The following TENM4 variants were observed in gnomAD, a reference collection of about 807,000 sequenced individuals.
TENM4 encodes the protein teneurin-4.
Under a neutral mutation model 243.3 loss-of-function variants are expected in TENM4, and 82 were observed. The ratio of observed to expected loss-of-function variants is 0.34; its 90% confidence interval spans 0.28 to 0.40. The LOEUF is 0.40. Ranked by LOEUF, TENM4 falls within the 10% of genes least tolerant of loss-of-function variation. TENM4 has a pLI of 1.00. For synonymous variants in TENM4, 1,412 were observed against 1,456.3 expected (o/e 0.97, Z 0.69); for missense variants, 3,138 against 3,673.3 (o/e 0.85, Z 3.77).
At chr11:78,915,877 C>A (rs189084518) in intron 6 of TENM4, among the ~76,000 whole-genome samples, 1 of 152,146 alleles carries the variant, frequency 6.6e-6, no homozygotes, top group Non-Finnish European at 1.5e-5. Flanking sequence ...TTTGAAGAAA[C>A]GACTTTCTCT....
At chr11:79,055,226 A>G (rs980107541) in intron 6 of TENM4, among the ~76,000 whole-genome samples, 1 of 150,784 alleles carries the variant, frequency 6.6e-6, no homozygotes, top group Non-Finnish European at 1.5e-5. Flanking sequence ...TATTCTATCT[A>G]TTATATTATT....
intron 6 of TENM4, among the ~76,000 whole-genome samples, chr11:78,921,152 T>C (rs1169863257): frequency 6.6e-6 from 1 of 152,228 alleles, no homozygotes; most frequent in Non-Finnish European, 1.5e-5. Context: ...CCATTGACAC[T>C]GTATGTTACA....
intron 3 of TENM4, among the ~76,000 whole-genome samples, chr11:79,164,297 T>C (rs1268803420): frequency 4.0e-5 from 5 of 126,272 alleles, no homozygotes; most frequent in Non-Finnish European, 7.7e-5. Context: ...GATATACTAG[T>C]ATATATAGTA....
intron 6 of TENM4, among the ~76,000 whole-genome samples, chr11:79,041,624 C>A (rs1859534636): frequency 6.6e-6 from 1 of 152,116 alleles, no homozygotes; most frequent in South Asian, 2.1e-4. Flanking sequence ...TTACAACATC[C>A]AAAGAGTGGC....
intron 12 of TENM4, among the ~76,000 whole-genome samples, chr11:78,824,337 C>T (rs565707006): frequency 3.9e-5 from 6 of 152,184 alleles, no homozygotes; most frequent in African/African-American, 1.4e-4. Flanking sequence ...GGAGCAAGAG[C>T]ACAAAAGCGA....
intron 4 of TENM4, among the ~76,000 whole-genome samples, chr11:79,133,686 G>T (rs1363310933): frequency 6.6e-6 from 1 of 152,022 alleles, no homozygotes. Context: ...AGGGATGCAG[G>T]GATGGTTTAA....
At chr11:78,934,868 A>AT (rs5792827) in intron 6 of TENM4, among the ~76,000 whole-genome samples, 20,522 of 151,404 alleles carry the variant, frequency 0.14, 3,029 homozygotes, top group African/African-American at 0.37. Flanking sequence ...AGTTTTTTTT[A>AT]TTTTTTATTT....
intron 1 of TENM4, among the ~76,000 whole-genome samples, chr11:79,381,330 T>C (rs1434521694): frequency 8.6e-6 from 1 of 116,786 alleles, no homozygotes. Context: ...TCAAATGGCC[T>C]GGAAAAAAAA....
chr11:78,845,904 G>A (rs1565403894), intron 12 of TENM4, among the ~76,000 whole-genome samples: 1 of 152,180 alleles, frequency 6.6e-6, no homozygotes, highest in Non-Finnish European at 1.5e-5. Context: ...CCTTCAACAG[G>A]AGTGAGTACC....
chr11:78,944,391 G>A (rs531833614), intron 6 of TENM4, among the ~76,000 whole-genome samples: 1 of 152,268 alleles, frequency 6.6e-6, no homozygotes, highest in East Asian at 1.9e-4. Flanking sequence ...GGGAACCTAG[G>A]CTCTGAAAAA....
intron 1 of TENM4, among the ~76,000 whole-genome samples, chr11:79,310,836 A>G (rs560124461): frequency 3.0e-4 from 45 of 152,326 alleles, no homozygotes; most frequent in Non-Finnish European, 4.7e-4. Flanking sequence ...GCTTTCTAGG[A>G]AAAGAAATAA....
At chr11:79,283,327 T>C (rs1468733726) in intron 2 of TENM4, among the ~76,000 whole-genome samples, 1 of 151,354 alleles carries the variant, frequency 6.6e-6, no homozygotes, top group Non-Finnish European at 1.5e-5. Flanking sequence ...TAAGATAACA[T>C]TAAATTGAAT....
rs1370326611 is a variant in TENM4, at chr11:78,661,457, T to C, written c.7543A>G (p.Asn2515Asp). 4 of 1,608,866 alleles carry C rather than the reference T, an allele frequency of 2.5e-6. No individual in the cohort carries two copies. The Admixed American group carries it at 6.7e-5, about 27-fold the overall frequency. The change falls in exon 33 of 34, where the codon AAC becomes GAC. Residue 2515 changes from asparagine to aspartate, a missense_variant. Asn to Asp is a conservative substitution (Grantham distance 23). Coordinates refer to ENST00000278550, the MANE Select transcript of TENM4 (RefSeq NM_001098816.3). ...HTQMKTQEWDNSKSILGVQCE... is the reference protein window; with the variant it reads ...HTQMKTQEWDDSKSILGVQCE... Reference sequence around the variant, plus strand: ...CCTTGTGCAGGAATTACCTTGCTGTTGTCCCACTCCTGCGTTTTCATCTGT... The same window carrying C: ...CCTTGTGCAGGAATTACCTTGCTGTCGTCCCACTCCTGCGTTTTCATCTGT...
Position 78,698,423 on chromosome 11 carries a change from C to A in TENM4, c.5087+3103G>T, listed in dbSNP as rs113930750. On this transcript the variant is annotated intron_variant, in intron 28 of 33. Transcript: ENST00000278550. ...CGAACCAAACCAACCAACCAACCAACCAAACAAACAAACAAATAAACAAAC... is the reference window on the plus strand; with the variant it reads ...CGAACCAAACCAACCAACCAACCAAACAAACAAACAAACAAATAAACAAAC... Among the ~76,000 whole-genome samples the A allele has an allele frequency of 3.9e-3, 592 of 152,116 alleles. 5 individuals carry two copies. The highest frequency in any genetic ancestry group is 0.011 in the African/African-American group (440 of 41,470).
intron 3 of TENM4, among the ~76,000 whole-genome samples, chr11:79,193,539 T>C (rs1470695788): frequency 2.0e-5 from 3 of 152,168 alleles, no homozygotes; most frequent in Admixed American, 1.3e-4. Flanking sequence ...TCATGGTCTC[T>C]TTTTGTCCTT....
chr11:79,348,804 ACCTTAT>A (rs1002470316), intron 1 of TENM4, among the ~76,000 whole-genome samples: 2 of 152,206 alleles, frequency 1.3e-5, no homozygotes, highest in Admixed American at 1.3e-4. Flanking sequence ...GTGAACAGTG[ACCTTAT>A]CTTCTCTATG....
chr11:79,389,743 G>C (rs890785328), intron 1 of TENM4, among the ~76,000 whole-genome samples: 2 of 152,194 alleles, frequency 1.3e-5, no homozygotes, highest in Non-Finnish European at 2.9e-5. Context: ...CCCACAAAAA[G>C]AAGTTCCATT....
chr11:78,671,292 T>C (rs533427343), intron 31 of TENM4, among the ~76,000 whole-genome samples: 37 of 151,842 alleles, frequency 2.4e-4, no homozygotes, highest in Admixed American at 1.8e-3. Context: ...AAGGTCTCTC[T>C]CTCTCTTAGT....
chr11:78,913,930 T>G (rs1042985348), intron 6 of TENM4, among the ~76,000 whole-genome samples: 1 of 152,106 alleles, frequency 6.6e-6, no homozygotes, highest in African/African-American at 2.4e-5. Context: ...GGAGGACTGA[T>G]GCTGTTAGCC....
Sources: gnomAD v4.1 joint callset for allele counts (sites outside exome capture counted in the v4.1 genomes callset) on GRCh38, gnomAD v4.1.1 for gene constraint, MANE v1.5 for transcripts, NCBI Gene and HGNC (gene_info 2026-07-23, HGNC 2026-07-21) for gene names.